DPYD: variants seen among roughly 807,000 people sequenced by gnomAD.
DPYD encodes dihydropyrimidine dehydrogenase.
DPYD carries 109 observed loss-of-function variants against 116.2 expected under a neutral mutation model. The observed-to-expected ratio is 0.94, with a 90% CI of 0.80 to 1.10. The LOEUF (loss-of-function observed/expected upper bound fraction) is 1.10, where lower values mean the gene tolerates loss of function less well. Among genes scored for constraint, DPYD ranks in the 50% least tolerant of loss-of-function variants. The pLI is 0.00. For missense variants in DPYD, 1,302 were observed against 1,254.5 expected (o/e 1.04, Z -0.57); for synonymous variants, 440 against 432.0 (o/e 1.02, Z -0.23).
intron 5 of DPYD, among the ~76,000 whole-genome samples, chr1:97,702,911 C>G (rs1288689288): frequency 6.6e-6 from 1 of 151,684 alleles, no homozygotes; most frequent in African/African-American, 2.4e-5. Context: ...TATTAAGTAC[C>G]CAACACAGAG....
intron 15 of DPYD, among the ~76,000 whole-genome samples, chr1:97,374,585 G>A (rs184611025): frequency 7.2e-5 from 11 of 151,930 alleles, no homozygotes; most frequent in Admixed American, 6.6e-4. Flanking sequence ...CGGGCATGGT[G>A]GTGGGCGCCT....
chr1:97,576,190 C>T lies in DPYD; in HGVS notation c.1129-2220G>A, dbSNP rs114606824. 5.3e-3 allele frequency among the ~76,000 whole-genome samples: 805 copies of T among 152,188 alleles called. 7 individuals carry two copies. The highest frequency in any genetic ancestry group is 0.019 in the African/African-American group (769 of 41,552). Reference sequence around the variant, plus strand: ...ATTTGTGCCACATATCACCTTATAACTCATCAATATAAACCAGTTTATTGT... The same window carrying T: ...ATTTGTGCCACATATCACCTTATAATTCATCAATATAAACCAGTTTATTGT... On this transcript the variant is annotated intron_variant, in intron 10 of 22. Coordinates refer to ENST00000370192, the MANE Select transcript of DPYD (RefSeq NM_000110.4).
intron 1 of DPYD, among the ~76,000 whole-genome samples, chr1:97,893,287 G>A (rs777566685): frequency 6.6e-6 from 1 of 151,198 alleles, no homozygotes; most frequent in Non-Finnish European, 1.5e-5. Flanking sequence ...CACTGACTGA[G>A]TCATGGGTCT....
In DPYD at chr1:97,697,818, A is replaced by G. The variant is rs1388000029; in HGVS notation, c.680+1533T>C. ...TAATCTACCAAAATTGGCAATACAT[A>G]GTAAGTTACAAATAGGGTTGGTTCC... On this transcript the variant is annotated intron_variant, in intron 6 of 22. Coordinates refer to ENST00000370192, the MANE Select transcript of DPYD (RefSeq NM_000110.4). 2.0e-5 allele frequency among the ~76,000 whole-genome samples: 3 copies of G among 152,072 alleles called. No individual in the cohort carries two copies. In the East Asian group the frequency reaches 5.8e-4, roughly 29 times the overall value.
chr1:97,464,640 C>A (rs1489116497), intron 13 of DPYD, among the ~76,000 whole-genome samples: 4 of 152,176 alleles, frequency 2.6e-5, no homozygotes, highest in Non-Finnish European at 4.4e-5. Flanking sequence ...AGCCTCAGGC[C>A]TTGGCAGCTT....
chr1:97,783,668 A>T (rs2101223245), intron 3 of DPYD, among the ~76,000 whole-genome samples: 1 of 152,256 alleles, frequency 6.6e-6, no homozygotes, highest in East Asian at 1.9e-4. Flanking sequence ...TGAGATTACA[A>T]GGTGTGAGCC....
chr1:97,715,703 A>G (rs986355073), intron 5 of DPYD, among the ~76,000 whole-genome samples: 9 of 152,226 alleles, frequency 5.9e-5, no homozygotes, highest in Admixed American at 5.9e-4. Context: ...CATAATACAC[A>G]GCTAGAGTAT....
chr1:97,442,771 A>G (rs565319345), intron 14 of DPYD, among the ~76,000 whole-genome samples: 49 of 152,300 alleles, frequency 3.2e-4, no homozygotes, highest in African/African-American at 1.1e-3. Context: ...TCTGAAATGA[A>G]GTATTTTGTA....
intron 11 of DPYD, among the ~76,000 whole-genome samples, chr1:97,558,771 A>C (rs1651925751): frequency 6.6e-6 from 1 of 152,144 alleles, no homozygotes; most frequent in South Asian, 2.1e-4. Context: ...CTGACCAACA[A>C]ACCAATTCAG....
chr1:97,366,152 G>A (rs1032065370), intron 16 of DPYD, among the ~76,000 whole-genome samples: 2 of 152,142 alleles, frequency 1.3e-5, no homozygotes, highest in African/African-American at 2.4e-5. Context: ...AATATTGGCA[G>A]TTACATAAAT....
At chr1:97,500,124 AC>A (rs1679492018) in intron 13 of DPYD, among the ~76,000 whole-genome samples, 1 of 151,650 alleles carries the variant, frequency 6.6e-6, no homozygotes, top group African/African-American at 2.4e-5. Flanking sequence ...TTCCTCAGCT[AC>A]AAAGAACAAT....
chr1:97,279,567 G>A (rs1331322880), intron 18 of DPYD, among the ~76,000 whole-genome samples: 1 of 152,192 alleles, frequency 6.6e-6, no homozygotes, highest in Non-Finnish European at 1.5e-5. Flanking sequence ...CTGGAGTGCA[G>A]TGGTGCGATC....
chr1:97,437,477 TTTG>T (rs949287603), intron 14 of DPYD, among the ~76,000 whole-genome samples: 4 of 151,890 alleles, frequency 2.6e-5, no homozygotes, highest in African/African-American at 9.7e-5. Context: ...TCCCAGGTTT[TTTG>T]TTGTTGTTGT....
chr1:97,189,459 C>T (rs771253099), intron 20 of DPYD, among the ~76,000 whole-genome samples: 2 of 152,172 alleles, frequency 1.3e-5, no homozygotes, highest in African/African-American at 4.8e-5. Flanking sequence ...AAAGTGAAGA[C>T]ATTTTCTTTC....
At chr1:97,378,772 GC>G (rs1241829924) in intron 15 of DPYD, among the ~76,000 whole-genome samples, 1 of 152,132 alleles carries the variant, frequency 6.6e-6, no homozygotes, top group Non-Finnish European at 1.5e-5. Context: ...AGTGAACCAT[GC>G]AAGGGTCTCG....
chr1:97,079,229 G>T, intron 22 of DPYD, 83 bp from the exon 23 acceptor site: 1 of 1,466,992 alleles, frequency 6.8e-7, no homozygotes, highest in South Asian at 1.1e-5. Flanking sequence ...ATTTTTCTCT[G>T]CTGCAGAGGA....
At chr1:97,592,954 T>A (rs992399992) in intron 10 of DPYD, among the ~76,000 whole-genome samples, 2 of 152,172 alleles carry the variant, frequency 1.3e-5, no homozygotes, top group African/African-American at 4.8e-5. Flanking sequence ...ACTAGTTACA[T>A]AGAATACATT....
At chr1:97,771,917 T>G (rs912319389) in intron 3 of DPYD, among the ~76,000 whole-genome samples, 2 of 152,168 alleles carry the variant, frequency 1.3e-5, no homozygotes, top group African/African-American at 4.8e-5. Flanking sequence ...TGCTACATGG[T>G]CTTTTCTTAT....
chr1:97,100,478 A>G (rs1650587822), intron 20 of DPYD, among the ~76,000 whole-genome samples: 1 of 152,066 alleles, frequency 6.6e-6, no homozygotes, highest in South Asian at 2.1e-4. Context: ...AAGTGTTGAA[A>G]CATATGACCT....
Sources: gnomAD v4.1 joint callset for allele counts (sites outside exome capture counted in the v4.1 genomes callset) on GRCh38, gnomAD v4.1.1 for gene constraint, MANE v1.5 for transcripts, NCBI Gene and HGNC (gene_info 2026-07-23, HGNC 2026-07-21) for gene names.